Variants in DAB1 observed in about 807,000 individuals in gnomAD.
DAB1 encodes disabled homolog 1.
DAB1 carries 15 observed loss-of-function variants against 64.6 expected under a neutral mutation model. The observed-to-expected ratio is 0.23, with a 90% CI of 0.16 to 0.36. The LOEUF is 0.36. Ranked by LOEUF, DAB1 falls within the 10% of genes least tolerant of loss-of-function variation. DAB1 has a pLI of 1.00. For synonymous variants in DAB1, 235 were observed against 251.9 expected, an observed-to-expected ratio of 0.93 and a Z score of 0.64; for missense variants, 596 against 706.7, an observed-to-expected ratio of 0.84 and a Z score of 1.78.
At chr1:57,665,814 T>G in intron 6 of DAB1, among the ~76,000 whole-genome samples, 1 of 150,534 alleles carries the variant, frequency 6.6e-6, no homozygotes. Context: ...GGTTACAGGA[T>G]TGGTTTTTTT....
At chr1:57,054,785 T>C (rs973097467) in intron 9 of DAB1, among the ~76,000 whole-genome samples, 1 of 152,142 alleles carries the variant, frequency 6.6e-6, no homozygotes, top group Non-Finnish European at 1.5e-5. Flanking sequence ...GCCAGGAATG[T>C]GCATTTTTAA....
intron 1 of DAB1, among the ~76,000 whole-genome samples, chr1:57,832,696 C>CT (rs532892095): frequency 8.5e-5 from 13 of 152,158 alleles, no homozygotes; most frequent in East Asian, 1.9e-4. Flanking sequence ...GATTCAATTT[C>CT]TGGGGGGGCA....
chr1:57,872,493 T>C (rs1267477631), intron 1 of DAB1, among the ~76,000 whole-genome samples: 2 of 152,206 alleles, frequency 1.3e-5, no homozygotes, highest in African/African-American at 2.4e-5. Flanking sequence ...CTGTTGTTTA[T>C]AAGCTATTAA....
At chr1:58,475,693 C>T (rs760123957) in intron 3 of DAB1, among the ~76,000 whole-genome samples, 1 of 152,120 alleles carries the variant, frequency 6.6e-6, no homozygotes, top group Non-Finnish European at 1.5e-5. Context: ...AGAATCAGCA[C>T]AATGCAGCAC....
At chr1:58,277,967 T>G (rs914311832) in intron 4 of DAB1, among the ~76,000 whole-genome samples, 1 of 152,228 alleles carries the variant, frequency 6.6e-6, no homozygotes, top group Non-Finnish European at 1.5e-5. Context: ...AGTGGCTCAG[T>G]GCATCTCATT....
At chr1:57,320,935 CCTT>C (rs1383827742) in intron 1 of DAB1, among the ~76,000 whole-genome samples, 2 of 152,264 alleles carry the variant, frequency 1.3e-5, no homozygotes, top group East Asian at 1.9e-4. Flanking sequence ...ACTACACAGT[CCTT>C]CTTTTAACTT....
At chr1:58,220,407 A>G (rs1035501490) in intron 4 of DAB1, among the ~76,000 whole-genome samples, 3 of 152,216 alleles carry the variant, frequency 2.0e-5, no homozygotes, top group African/African-American at 7.2e-5. Flanking sequence ...GGTTTAAAAT[A>G]GATAATCTTT....
chr1:58,090,847 C>A (rs537833920), intron 5 of DAB1, among the ~76,000 whole-genome samples: 3 of 152,176 alleles, frequency 2.0e-5, no homozygotes, highest in Non-Finnish European at 4.4e-5. Flanking sequence ...TGGTACATGT[C>A]AAGGAAGCTT....
At chr1:58,161,198 G>C (rs1280984875) in intron 4 of DAB1, among the ~76,000 whole-genome samples, 1 of 152,176 alleles carries the variant, frequency 6.6e-6, no homozygotes, top group Non-Finnish European at 1.5e-5. Context: ...CTGAATGCCA[G>C]GTATTTAATT....
At chr1:57,847,217 G>A (rs1181702507) in intron 1 of DAB1, among the ~76,000 whole-genome samples, 1 of 151,608 alleles carries the variant, frequency 6.6e-6, no homozygotes, top group Non-Finnish European at 1.5e-5. Context: ...GCTCAGGGAT[G>A]ATTTTTTTAG....
intron 2 of DAB1, among the ~76,000 whole-genome samples, chr1:57,242,812 A>G (rs930503601): frequency 2.0e-5 from 3 of 152,072 alleles, no homozygotes; most frequent in East Asian, 1.9e-4. Flanking sequence ...AAGAGCCAAA[A>G]CCCTTTCTCG....
chr1:58,005,170 G>A (rs2100414551), intron 5 of DAB1, among the ~76,000 whole-genome samples: 1 of 152,240 alleles, frequency 6.6e-6, no homozygotes, highest in East Asian at 1.9e-4. Context: ...TTTCCCAGGT[G>A]TGTAACCATC....
intron 4 of DAB1, among the ~76,000 whole-genome samples, chr1:57,119,695 G>T (rs1656460275): frequency 6.6e-6 from 1 of 152,088 alleles, no homozygotes. Context: ...TGAGAAGGGG[G>T]TTTCCACAAG....
chr1:58,435,197 T>C (rs1276521195), intron 3 of DAB1, among the ~76,000 whole-genome samples: 1 of 152,126 alleles, frequency 6.6e-6, no homozygotes, highest in African/African-American at 2.4e-5. Flanking sequence ...TTTCCCCATA[T>C]CTAGCAATGG....
rs559700432 is a variant in DAB1, at chr1:57,073,780, A to C, written c.307-1366T>G. On this transcript the variant is annotated intron_variant, in intron 4 of 14. Transcript: ENST00000371236. Reference sequence around the variant, plus strand: ...AATGTAATAAAAAGAGGCCCCATGCAATTTTCAAAATCTCAAAAAACTAAA... The same window carrying C: ...AATGTAATAAAAAGAGGCCCCATGCCATTTTCAAAATCTCAAAAAACTAAA... 2.6e-5 allele frequency among the ~76,000 whole-genome samples: 4 copies of C among 152,336 alleles called. No homozygotes were observed. The East Asian group carries it at 7.7e-4, about 29-fold the overall frequency.
At chr1:57,018,383 T>C (rs1646501762) in intron 11 of DAB1, among the ~76,000 whole-genome samples, 1 of 152,218 alleles carries the variant, frequency 6.6e-6, no homozygotes. Context: ...TGTCTTCTAG[T>C]GTGCTCACGC....
rs115624740 is a variant in DAB1 at position 57,014,811 on chromosome 1, T to C, written c.1444+72A>G. 2.7e-3 allele frequency: 3,523 copies of C among 1,327,292 alleles called. 82 individuals carry two copies. In the African/African-American group the frequency reaches 0.046, roughly 17 times the overall value. The allele number at this position is 1,327,292 out of a possible 1,614,324, so 82.2% of individuals were successfully genotyped here. ...ATGCAAGTGAGATGAGTTATTTGAC[T>C]CCAGAAACCCCGCCTCCAGACATGA... On this transcript the variant is annotated intron_variant, in intron 12 of 14. Coordinates refer to ENST00000371236, the MANE Select transcript of DAB1 (RefSeq NM_001365792.1).
At chr1:58,014,402 C>T (rs945707215) in intron 5 of DAB1, among the ~76,000 whole-genome samples, 1 of 152,174 alleles carries the variant, frequency 6.6e-6, no homozygotes, top group African/African-American at 2.4e-5. Flanking sequence ...GATATTAATC[C>T]TCCAGGATCT....
At chr1:57,322,863 C>T (rs1341927225) in intron 1 of DAB1, among the ~76,000 whole-genome samples, 1 of 152,170 alleles carries the variant, frequency 6.6e-6, no homozygotes, top group Non-Finnish European at 1.5e-5. Flanking sequence ...TAATTGGCTA[C>T]ATCCCAACCA....
Sources: gnomAD v4.1 joint callset for allele counts (sites outside exome capture counted in the v4.1 genomes callset) on GRCh38, gnomAD v4.1.1 for gene constraint, MANE v1.5 for transcripts, NCBI Gene and HGNC (gene_info 2026-07-23, HGNC 2026-07-21) for gene names.